Variants in MOCS1 observed in about 807,000 individuals in gnomAD.
MOCS1 encodes molybdenum cofactor biosynthesis protein 1.
Under a neutral mutation model 57.6 loss-of-function variants are expected in MOCS1, and 39 were observed. That is an observed-to-expected ratio of 0.68 (90% CI 0.52 to 0.88). The LOEUF is 0.88. MOCS1 is among the 40% of genes least tolerant of loss of function. The pLI is 0.00. For missense variants in MOCS1, 795 were observed against 831.1 expected, an observed-to-expected ratio of 0.96 and a Z score of 0.53; for synonymous variants, 334 against 335.7, an observed-to-expected ratio of 1.00 and a Z score of 0.05.
chr6:39,913,707 G>A (rs371614556), intron 5 of MOCS1, 67 bp downstream of exon 5: 4 of 1,547,122 alleles, frequency 2.6e-6, no homozygotes, highest in South Asian at 1.1e-5. Context: ...GGGCCAAGGG[G>A]CGGTGAGGGG....
chr6:39,906,722 G>A lies in MOCS1; in HGVS notation c.1546C>T (p.Pro516Ser), dbSNP rs777618260. 3 of 1,614,188 alleles carry A rather than the reference G, an allele frequency of 1.9e-6. No homozygotes were observed. In the Admixed American group the frequency reaches 5.0e-5, roughly 27 times the overall value. The change falls in exon 11 of 11, where the codon CCG (proline) becomes TCG (serine). Residue 516 changes from proline to serine, a missense_variant. By Grantham distance (74) the Pro-to-Ser change is moderately conservative. Coordinates refer to ENST00000340692, the MANE Select transcript of MOCS1 (RefSeq NM_001358530.2). ...TGCTGGACAAGCTTGAAGGCTACCG[G>A]TCCCAGGAGGACCACGGCTGAAGCC... ...AVASAVVLLG[P>S]VAFKLVQQNQ...
At chr6:39,916,714 T>C (rs538719069) in intron 3 of MOCS1, among the ~76,000 whole-genome samples, 2 of 152,150 alleles carry the variant, frequency 1.3e-5, no homozygotes, top group East Asian at 3.9e-4. Context: ...CTACCAAATA[T>C]CCCTAGAAAT....
chr6:39,913,083 C>T (rs1216704329), intron 6 of MOCS1, 79 bp from the exon 7 acceptor site: 12 of 1,124,200 alleles, frequency 1.1e-5, no homozygotes, highest in Non-Finnish European at 1.4e-5. Flanking sequence ...AGTCCATCCC[C>T]TGCCACAGCA....
In MOCS1 at chr6:39,909,900, G is replaced by A; in HGVS notation, c.1037C>T (p.Ala346Val). ...GATTCTCAGCAGCTCCTGCTCAGAG[G>A]CCCCAGCTCGCAGGTGATCCCGCAG... is the stretch of plus-strand genomic sequence containing the variant. ...VSLRDHLRAG[A>V]SEQELLRIIG... The change falls in exon 9 of 11, where the codon GCC becomes GTC. Residue 346 changes from alanine to valine, a missense_variant. Around this residue, in one of 3 missense-constraint regions of MOCS1, gnomAD observed 374 missense variants for 422.6 expected, o/e 0.89. Transcript: ENST00000340692. 6.2e-7 allele frequency: 1 copy of A among 1,613,820 alleles called. No individual in the cohort carries two copies. The highest frequency in any genetic ancestry group is 8.5e-7 in the Non-Finnish European group (1 of 1,180,022).
At position 39,907,134 on chromosome 6, in the gene MOCS1, A is replaced by G; in HGVS notation, c.1151-17T>C. 6.3e-7 allele frequency: 1 copy of G among 1,599,658 alleles called. No homozygotes were observed. The highest frequency in any genetic ancestry group is 8.5e-7 in the Non-Finnish European group (1 of 1,174,920). On this transcript the variant is annotated splice_polypyrimidine_tract_variant and intron_variant, in intron 10 of 10. Coordinates refer to ENST00000340692, the MANE Select transcript of MOCS1 (RefSeq NM_001358530.2). The stretch of plus-strand genomic sequence containing the variant: ...AAAATAACTCTGCAAGGCAAGAAGA[A>G]AAGAGAAGAAACACTAAGTCCAAAA...
intron 3 of MOCS1, among the ~76,000 whole-genome samples, chr6:39,921,396 CT>C (rs1316894228): frequency 1.0e-5 from 1 of 99,680 alleles, no homozygotes; most frequent in Non-Finnish European, 2.3e-5. Flanking sequence ...AAGACTACGT[CT>C]AAAAAAAAAA....
intron 10 of MOCS1, among the ~76,000 whole-genome samples, chr6:39,908,568 T>C (rs1460575796): frequency 6.6e-6 from 1 of 152,094 alleles, no homozygotes; most frequent in Non-Finnish European, 1.5e-5. Context: ...TACATGTGAG[T>C]AACATTATTA....
chr6:39,930,088 C>T (rs1173021801), intron 1 of MOCS1, among the ~76,000 whole-genome samples: 1 of 152,128 alleles, frequency 6.6e-6, no homozygotes, highest in Admixed American at 6.6e-5. Context: ...CTCCTAAACA[C>T]ACACACTCTC....
At chr6:39,917,148 G>C (rs1385538705) in intron 3 of MOCS1, among the ~76,000 whole-genome samples, 1 of 152,118 alleles carries the variant, frequency 6.6e-6, no homozygotes, top group African/African-American at 2.4e-5. Flanking sequence ...CCTGAGACTG[G>C]GTAATTTATA....
intron 3 of MOCS1, among the ~76,000 whole-genome samples, chr6:39,921,469 T>C (rs1767969079): frequency 6.6e-6 from 1 of 152,156 alleles, no homozygotes; most frequent in African/African-American, 2.4e-5. Context: ...CTAACATTAT[T>C]AACATGAATA....
chr6:39,909,703 T>C (rs998251156), intron 9 of MOCS1, 132 bp downstream of exon 9: 2 of 1,236,418 alleles, frequency 1.6e-6, no homozygotes, highest in East Asian at 2.3e-5. Context: ...TGAGTGGTAG[T>C]GGGGATGATG....
chr6:39,907,468 A>G (rs1310192864), intron 10 of MOCS1, among the ~76,000 whole-genome samples: 1 of 152,134 alleles, frequency 6.6e-6, no homozygotes, highest in East Asian at 1.9e-4. Flanking sequence ...TGACCTCTGA[A>G]TGTCCCTTCA....
At chr6:39,919,227 G>A (rs924416360) in intron 3 of MOCS1, among the ~76,000 whole-genome samples, 1 of 152,220 alleles carries the variant, frequency 6.6e-6, no homozygotes, top group African/African-American at 2.4e-5. Flanking sequence ...GCTGATGGCT[G>A]TAATCCCAGA....
At chr6:39,909,750 T>G in intron 9 of MOCS1, 85 bp downstream of exon 9, 1 of 1,581,556 alleles carries the variant, frequency 6.3e-7, no homozygotes. Flanking sequence ...TGTTCCTTGG[T>G]CATCTCACCC....
chr6:39,924,003 G>A (rs112148065), intron 3 of MOCS1, among the ~76,000 whole-genome samples: 163 of 152,344 alleles, frequency 1.1e-3, no homozygotes, highest in Non-Finnish European at 1.9e-3. Flanking sequence ...GCAGCTGGAC[G>A]GGGCAGCAAT....
chr6:39,911,759 G>A (rs1269328903), intron 8 of MOCS1, among the ~76,000 whole-genome samples: 2 of 151,930 alleles, frequency 1.3e-5, no homozygotes, highest in Non-Finnish European at 2.9e-5. Flanking sequence ...ATCTAGCCAC[G>A]CGTGTGGCAA....
chr6:39,909,851 C>T lies in MOCS1; in HGVS notation c.1086G>A (p.Lys362=). 6.2e-7 allele frequency: 1 copy of T among 1,613,616 alleles called. No individual in the cohort carries two copies. Among genetic ancestry groups the T allele is most frequent in the Non-Finnish European group, 8.5e-7 (1 of 1,180,018 alleles). ...TGCACTTACCTGCATGCTGCCGCTTCTTCCTGCCCACAGCAGCCCCAATGA... is the reference window on the plus strand; with the variant it reads ...TGCACTTACCTGCATGCTGCCGCTTTTTCCTGCCCACAGCAGCCCCAATGA... ...LRIIGAAVGR[K]KRQHAGMFSI... Residue 362 remains lysine (K), a synonymous_variant, in exon 9 of 11, where the codon AAG becomes AAA. Transcript: ENST00000340692.
rs533411604 is a variant in MOCS1 at position 39,920,163 on chromosome 6, T to C, written c.419-3931A>G. Among the ~76,000 whole-genome samples the C allele has an allele frequency of 3.0e-4, 46 of 152,260 alleles. No homozygotes were observed. In the South Asian group the frequency reaches 9.5e-3, roughly 32 times the overall value. ...AATATATTTTATATATATGTATAGC[T>C]AATTAACATGTGAAGAGATGCCAAC... On this transcript the variant is annotated intron_variant, in intron 3 of 10. Transcript: ENST00000340692.
At chr6:39,916,416 A>C (rs1371293873) in intron 3 of MOCS1, among the ~76,000 whole-genome samples, 184 bp from the exon 4 acceptor site, 1 of 152,122 alleles carries the variant, frequency 6.6e-6, no homozygotes, top group Admixed American at 6.5e-5. Flanking sequence ...AAACAACCAA[A>C]AGATTAAGCA....
Sources: gnomAD v4.1 joint callset for allele counts (sites outside exome capture counted in the v4.1 genomes callset) on GRCh38, gnomAD v4.1.1 for gene constraint, gnomAD v4.1.1 regional missense constraint, MANE v1.5 for transcripts, NCBI Gene and HGNC (gene_info 2026-07-23, HGNC 2026-07-21) for gene names.